The following CHRNA7 variants were observed in gnomAD, a reference collection of about 807,000 sequenced individuals.
CHRNA7 encodes the protein neuronal acetylcholine receptor subunit alpha-7.
Under a neutral mutation model 48.0 loss-of-function variants are expected in CHRNA7, and 17 were observed. That is an observed-to-expected ratio of 0.35 (90% confidence interval 0.24 to 0.53). The LOEUF (loss-of-function observed/expected upper bound fraction) is 0.53, where lower values mean the gene tolerates loss of function less well. Among genes scored for constraint, CHRNA7 ranks in the 20% least tolerant of loss-of-function variants. CHRNA7 has a pLI of 0.92. For synonymous variants in CHRNA7, 75 were observed against 242.3 expected, an observed-to-expected ratio of 0.31 and a Z score of 6.41; for missense variants, 155 against 577.7, an observed-to-expected ratio of 0.27 and a Z score of 7.50.
intron 4 of CHRNA7, among the ~76,000 whole-genome samples, chr15:32,151,852 C>T (rs2051636485): frequency 1.3e-5 from 2 of 152,086 alleles, no homozygotes; most frequent in South Asian, 2.1e-4. Flanking sequence ...GACTGTCCTC[C>T]GGTATCTGTG....
chr15:32,031,154 A>T, intron 2 of CHRNA7, 117 bp downstream of exon 2: 1 of 1,250,594 alleles, frequency 8.0e-7, no homozygotes, highest in Non-Finnish European at 1.1e-6. Context: ...AGTTGGCCCC[A>T]AGCTAGGCAG....
intron 4 of CHRNA7, among the ~76,000 whole-genome samples, chr15:32,151,612 C>T (rs7178176): frequency 0.18 from 27,484 of 152,110 alleles, 3,150 homozygotes; most frequent in Non-Finnish European, 0.27. Flanking sequence ...TTCTGTGTTA[C>T]GTTTGATCTC....
At chr15:32,103,412 G>GGAA (rs71424643) in intron 3 of CHRNA7, 6 of 136,788 alleles carry the variant, frequency 4.4e-5, no homozygotes, top group Admixed American at 1.5e-4. Context: ...TCAATCTCAA[G>GGAA]AAAAAAAAAA....
intron 4 of CHRNA7, among the ~76,000 whole-genome samples, chr15:32,125,603 TTAGA>T (rs1218029257): frequency 6.6e-6 from 1 of 152,172 alleles, no homozygotes; most frequent in Admixed American, 6.5e-5. Flanking sequence ...CAGGGAGTTC[TTAGA>T]TAGTGCTTTG....
intron 4 of CHRNA7, among the ~76,000 whole-genome samples, chr15:32,135,268 G>A (rs1057195886): frequency 6.6e-6 from 1 of 152,200 alleles, no homozygotes; most frequent in African/African-American, 2.4e-5. Context: ...CAGAAAACAG[G>A]TAAAGTTATG....
At chr15:32,056,831 G>A (rs189511306) in intron 2 of CHRNA7, among the ~76,000 whole-genome samples, 1 of 152,296 alleles carries the variant, frequency 6.6e-6, no homozygotes, top group African/African-American at 2.4e-5. Context: ...AATATCTTCA[G>A]TATGGATGTT....
intron 2 of CHRNA7, among the ~76,000 whole-genome samples, chr15:32,088,268 C>A (rs1737626625): frequency 6.6e-6 from 1 of 152,182 alleles, no homozygotes. Flanking sequence ...GGCTTGATAG[C>A]TCATTTCATT....
rs1901754691 is a variant in CHRNA7 at position 32,030,541 on chromosome 15, G to A, written c.-54G>A. The A allele has an allele frequency of 2.1e-6, 3 of 1,407,594 alleles. No individual in the cohort carries two copies. Among genetic ancestry groups the A allele is most frequent in the African/African-American group, 1.5e-5 (1 of 66,756 alleles). The allele number at this position is 1,407,594 out of a possible 1,614,324, so 87.2% of individuals were successfully genotyped here. Reference sequence around the variant, plus strand: ...CCTCTGTGGCCGCAGGCGCAGGCCCGGGCGACAGCCGAGACGTGGAGCGCG... The same window carrying A: ...CCTCTGTGGCCGCAGGCGCAGGCCCAGGCGACAGCCGAGACGTGGAGCGCG... On this transcript the variant is annotated 5_prime_UTR_variant, in exon 1 of 10. Transcript: ENST00000306901.
chr15:32,104,899 G>A (rs957263404), intron 3 of CHRNA7, among the ~76,000 whole-genome samples: 4 of 152,228 alleles, frequency 2.6e-5, no homozygotes, highest in African/African-American at 9.6e-5. Context: ...AGAAATGCAT[G>A]TTATGGAGAG....
intron 4 of CHRNA7, among the ~76,000 whole-genome samples, chr15:32,125,083 A>G (rs2051042302): frequency 6.6e-6 from 1 of 152,226 alleles, no homozygotes; most frequent in African/African-American, 2.4e-5. Context: ...TTAAAGAAAG[A>G]TATCTAAATA....
chr15:32,043,692 T>C (rs1487662205), intron 2 of CHRNA7, among the ~76,000 whole-genome samples: 1 of 152,192 alleles, frequency 6.6e-6, no homozygotes, highest in African/African-American at 2.4e-5. Flanking sequence ...TTTCTATAAA[T>C]ATATTTAAAC....
In CHRNA7 at chr15:32,150,946, A is replaced by AG. The variant is rs1555388923; in HGVS notation, c.351-2952dup. On this transcript the variant is annotated intron_variant, in intron 4 of 9. Transcript: ENST00000306901. The stretch of plus-strand genomic sequence containing the variant: ...CTTTCCCTATGTGTTTTTGGAAGTA[A>AG]GGGGGGGGGATGTGTCCTTTCATGA... Among the ~76,000 whole-genome samples the AG allele has an allele frequency of 1.8e-3, 267 of 151,124 alleles. 2 individuals are homozygous for AG. The highest frequency in any genetic ancestry group is 0.01 in the Middle Eastern group (3 of 294).
intron 3 of CHRNA7, among the ~76,000 whole-genome samples, chr15:32,108,906 G>A (rs936794097): frequency 2.0e-5 from 3 of 152,144 alleles, no homozygotes; most frequent in Non-Finnish European, 4.4e-5. Flanking sequence ...ACAAGCTCAC[G>A]CCGCTAGTCT....
chr15:32,078,807 C>T (rs1443245213), intron 2 of CHRNA7, among the ~76,000 whole-genome samples: 1 of 152,076 alleles, frequency 6.6e-6, no homozygotes, highest in Non-Finnish European at 1.5e-5. Flanking sequence ...TTCATGAGGC[C>T]AGCATCATCC....
intron 2 of CHRNA7, among the ~76,000 whole-genome samples, chr15:32,085,917 C>A (rs1026925278): frequency 6.6e-6 from 1 of 152,128 alleles, no homozygotes; most frequent in Non-Finnish European, 1.5e-5. Flanking sequence ...CCTGGCCAGT[C>A]GTTGTTACCC....
chr15:32,122,419 C>A (rs1370925610), intron 4 of CHRNA7, among the ~76,000 whole-genome samples: 1 of 152,124 alleles, frequency 6.6e-6, no homozygotes, highest in East Asian at 1.9e-4. Context: ...ACCAATCTAT[C>A]TTGAAGGATT....
intron 2 of CHRNA7, among the ~76,000 whole-genome samples, chr15:32,091,370 TG>T (rs1425035319): frequency 1.3e-5 from 2 of 152,148 alleles, no homozygotes; most frequent in African/African-American, 4.8e-5. Context: ...GTCTTTTTTG[TG>T]GTTTGCTAAT....
At chr15:32,140,006 T>C (rs1464535066) in intron 4 of CHRNA7, among the ~76,000 whole-genome samples, 1 of 152,288 alleles carries the variant, frequency 6.6e-6, no homozygotes, top group East Asian at 1.9e-4. Context: ...ATGTGCCATG[T>C]TGGCTTGCTG....
At chr15:32,062,604 T>C (rs2049897232) in intron 2 of CHRNA7, among the ~76,000 whole-genome samples, 1 of 152,212 alleles carries the variant, frequency 6.6e-6, no homozygotes, top group South Asian at 2.1e-4. Context: ...TTCCTAGCTC[T>C]GTTCTGCAGC....
Sources: gnomAD v4.1 joint callset for allele counts (sites outside exome capture counted in the v4.1 genomes callset) on GRCh38, gnomAD v4.1.1 for gene constraint, MANE v1.5 for transcripts, NCBI Gene and HGNC (gene_info 2026-07-23, HGNC 2026-07-21) for gene names.